The following CACNA1C variants were observed in gnomAD, a reference collection of about 807,000 sequenced individuals.
The protein encoded by CACNA1C is voltage-dependent L-type calcium channel subunit alpha-1C.
CACNA1C carries 30 observed loss-of-function variants against 229.0 expected under a neutral mutation model. That is an observed-to-expected ratio of 0.13 (90% CI 0.10 to 0.18). CACNA1C has a LOEUF of 0.18. Among genes scored for constraint, CACNA1C ranks in the 10% least tolerant of loss-of-function variants. The probability of loss-of-function intolerance (pLI) is 1.00; values close to 1 mark genes in which losing one functional copy is unlikely to be tolerated. For missense variants in CACNA1C, 1,658 were observed against 2,845.0 expected, an observed-to-expected ratio of 0.58 and a Z score of 9.49; for synonymous variants, 1,114 against 1,132.5, an observed-to-expected ratio of 0.98 and a Z score of 0.33.
At chr12:2,411,577 C>T (rs1378618093) in intron 3 of CACNA1C, among the ~76,000 whole-genome samples, 1 of 152,160 alleles carries the variant, frequency 6.6e-6, no homozygotes, top group Non-Finnish European at 1.5e-5. Flanking sequence ...CTGGCCTTGC[C>T]GGAGTCACCG....
intron 5 of CACNA1C, among the ~76,000 whole-genome samples, chr12:2,459,509 G>C (rs554990829): frequency 6.6e-6 from 1 of 152,246 alleles, no homozygotes; most frequent in Admixed American, 6.5e-5. Context: ...CCTGTCTTAG[G>C]CTCAAAAGGC....
chr12:2,634,380 C>A lies in CACNA1C; in HGVS notation c.3912C>A (p.Asn1304Lys). Residue 1304 changes from asparagine to lysine, a missense_variant and splice_region_variant, in exon 30 of 47, where the codon AAC becomes AAA. Around this residue, in one of 20 missense-constraint regions of CACNA1C, gnomAD observed 38 missense variants for 53.3 expected, o/e 0.71. Transcript: ENST00000399655. ...TTGATATAGCAATCACCGAGGTAAA[C>A]GTAAGTACATGGCGTCTGTCCCTAA... ...SIVDIAITEVNPAEHTQCSPS... is the reference protein window; with the variant it reads ...SIVDIAITEVKPAEHTQCSPS... 1 of 1,552,378 alleles carries A rather than the reference C, an allele frequency of 6.4e-7. No homozygotes were observed. The highest frequency in any genetic ancestry group is 8.8e-7 in the Non-Finnish European group (1 of 1,137,450).
intron 18 of CACNA1C, among the ~76,000 whole-genome samples, chr12:2,588,526 G>T (rs866369032): frequency 8.5e-5 from 13 of 152,204 alleles, no homozygotes; most frequent in African/African-American, 2.9e-4. Flanking sequence ...AGTGGGAGCT[G>T]GACTCCAGAG....
At chr12:2,663,364 C>T (rs1003257319) in intron 34 of CACNA1C, among the ~76,000 whole-genome samples, 6 of 152,150 alleles carry the variant, frequency 3.9e-5, no homozygotes, top group African/African-American at 1.2e-4. Flanking sequence ...ACTTTTACCC[C>T]GCTGGTGGGA....
intron 1 of CACNA1C, among the ~76,000 whole-genome samples, chr12:2,098,887 T>C (rs2154096907): frequency 6.6e-6 from 1 of 152,234 alleles, no homozygotes; most frequent in Admixed American, 6.5e-5. Context: ...CTGTGAGGGG[T>C]GTGGTATCAT....
intron 1 of CACNA1C, among the ~76,000 whole-genome samples, chr12:1,988,823 T>C (rs1363050774): frequency 2.0e-5 from 3 of 152,238 alleles, no homozygotes; most frequent in Non-Finnish European, 4.4e-5. Flanking sequence ...TATAGCAGTT[T>C]TTCCCAGATC....
chr12:2,013,367 A>C (rs1054044486), intron 1 of CACNA1C, among the ~76,000 whole-genome samples: 23 of 152,246 alleles, frequency 1.5e-4, no homozygotes, highest in South Asian at 4.1e-4. Context: ...TATCCTGCAC[A>C]AAAGAGTCAT....
intron 27 of CACNA1C, 69 bp from the exon 28 acceptor site, chr12:2,610,472 C>T (rs1305320813): frequency 1.3e-6 from 2 of 1,514,008 alleles, no homozygotes; most frequent in African/African-American, 2.7e-5. Context: ...TCCCACACTT[C>T]TCTGCCAGCT....
intron 3 of CACNA1C, among the ~76,000 whole-genome samples, chr12:2,168,859 G>T (rs796579502): frequency 7.9e-5 from 12 of 152,192 alleles, no homozygotes; most frequent in African/African-American, 2.9e-4. Flanking sequence ...TGGGCATGTT[G>T]GTTTCATCCT....
chr12:2,525,697 ACAACCC>A (rs1415975823), intron 9 of CACNA1C, among the ~76,000 whole-genome samples: 2 of 152,246 alleles, frequency 1.3e-5, no homozygotes. Context: ...AAGTCGAGTA[ACAACCC>A]CAAACATAGG....
chr12:2,276,721 C>T (rs568096962), intron 3 of CACNA1C, among the ~76,000 whole-genome samples: 1 of 152,244 alleles, frequency 6.6e-6, no homozygotes, highest in South Asian at 2.1e-4. Context: ...ATAGGGTTCC[C>T]AACAGGATAG....
At chr12:2,650,348 G>A (rs1356751762) in intron 31 of CACNA1C, among the ~76,000 whole-genome samples, 1 of 152,182 alleles carries the variant, frequency 6.6e-6, no homozygotes, top group Non-Finnish European at 1.5e-5. Flanking sequence ...GCTGGATATT[G>A]CCAGTGAGAG....
At chr12:2,364,595 A>G (rs11062203) in intron 3 of CACNA1C, among the ~76,000 whole-genome samples, 47,365 of 151,980 alleles carry the variant, frequency 0.31, 8,203 homozygotes, top group Non-Finnish European at 0.4. Context: ...CTAAAAGCAG[A>G]ACGTTTAAAT....
intron 8 of CACNA1C, among the ~76,000 whole-genome samples, chr12:2,505,985 A>G (rs2099770954): frequency 1.3e-5 from 2 of 152,154 alleles, no homozygotes. Flanking sequence ...ACTTTCCCCC[A>G]GTACCTAAAC....
At chr12:2,327,457 T>A (rs2096366197) in intron 3 of CACNA1C, among the ~76,000 whole-genome samples, 1 of 152,250 alleles carries the variant, frequency 6.6e-6, no homozygotes, top group African/African-American at 2.4e-5. Flanking sequence ...CGTCAGGAAT[T>A]CTGGGCTTTC....
rs1343571244 is a variant in CACNA1C at position 2,155,393 on chromosome 12, C to T, written c.477+34963C>T. Among the ~76,000 whole-genome samples the T allele has an allele frequency of 6.6e-5, 10 of 152,042 alleles. No homozygotes were observed. The South Asian group carries it at 1.9e-3, about 28-fold the overall frequency. On this transcript the variant is annotated intron_variant, in intron 3 of 46. Coordinates refer to ENST00000399655, the MANE Select transcript of CACNA1C (RefSeq NM_000719.7). ...TTTTACTTTGCTTGGGCTTCAGTTT[C>T]CCTATATGAAAAGAAAAAAAAAATA... is the stretch of plus-strand genomic sequence containing the variant.
At chr12:2,195,048 C>G (rs572682466) in intron 3 of CACNA1C, among the ~76,000 whole-genome samples, 3 of 152,290 alleles carry the variant, frequency 2.0e-5, no homozygotes, top group East Asian at 3.9e-4. Context: ...GAAAATGAAT[C>G]AAATACACTT....
At chr12:2,120,493 T>C (rs2086081077) in intron 3 of CACNA1C, 63 bp downstream of exon 3, 2 of 916,032 alleles carry the variant, frequency 2.2e-6, no homozygotes, top group Non-Finnish European at 3.7e-6. Context: ...TCAGATCACA[T>C]AGATGCATGG....
At chr12:2,001,314 T>C (rs887199802) in intron 1 of CACNA1C, among the ~76,000 whole-genome samples, 2 of 152,156 alleles carry the variant, frequency 1.3e-5, no homozygotes, top group Non-Finnish European at 2.9e-5. Context: ...AGGAGGACTT[T>C]TATGTGAAAG....
Sources: gnomAD v4.1 joint callset for allele counts (sites outside exome capture counted in the v4.1 genomes callset) on GRCh38, gnomAD v4.1.1 for gene constraint, gnomAD v4.1.1 regional missense constraint, MANE v1.5 for transcripts, NCBI Gene and HGNC (gene_info 2026-07-23, HGNC 2026-07-21) for gene names.